The following LPP variants were observed in gnomAD, a reference collection of about 807,000 sequenced individuals.
LPP encodes LIM domain containing preferred translocation partner in lipoma.
LPP carries 38 observed loss-of-function variants against 60.4 expected under a neutral mutation model. That is an observed-to-expected ratio of 0.63 (90% CI 0.49 to 0.83). The LOEUF is 0.83. LPP is among the 40% of genes least tolerant of loss of function. The pLI is 0.00. For synonymous variants in LPP, 328 were observed against 290.8 expected, an observed-to-expected ratio of 1.13 and a Z score of -1.30; for missense variants, 902 against 783.6, an observed-to-expected ratio of 1.15 and a Z score of -1.80.
At chr3:188,649,898 G>C (rs1851764320) in intron 7 of LPP, among the ~76,000 whole-genome samples, 1 of 152,172 alleles carries the variant, frequency 6.6e-6, no homozygotes, top group South Asian at 2.1e-4. Context: ...AATTCTTCCT[G>C]AGGGAATTCC....
At chr3:188,227,331 TC>T (rs1049596501) in intron 2 of LPP, among the ~76,000 whole-genome samples, 3 of 77,494 alleles carry the variant, frequency 3.9e-5, no homozygotes, top group Non-Finnish European at 7.3e-5. Flanking sequence ...ATGCTATCCC[TC>T]CCCCCTCCCC....
intron 2 of LPP, among the ~76,000 whole-genome samples, chr3:188,293,407 T>C (rs1489549659): frequency 1.3e-5 from 2 of 152,244 alleles, no homozygotes; most frequent in South Asian, 2.1e-4. Flanking sequence ...ACAATAAACT[T>C]ACCATCTTGA....
rs146330427 is a variant in LPP at position 188,406,678 on chromosome 3, A to G, written c.193+365A>G. 1.1e-3 allele frequency among the ~76,000 whole-genome samples: 172 copies of G among 152,266 alleles called. 1 individual carries two copies. Among genetic ancestry groups the G allele is most frequent in the African/African-American group, 3.9e-3 (163 of 41,570 alleles). On this transcript the variant is annotated intron_variant, in intron 4 of 11. Transcript: ENST00000617246. Reference sequence around the variant, plus strand: ...CATCCCTCCCTCTTGCCGTTGGACAAATGTCCACAAATGCTGCCAAGCAGT... The same window carrying G: ...CATCCCTCCCTCTTGCCGTTGGACAGATGTCCACAAATGCTGCCAAGCAGT...
intron 2 of LPP, among the ~76,000 whole-genome samples, chr3:188,316,919 C>G (rs1489404459): frequency 6.6e-6 from 1 of 152,168 alleles, no homozygotes; most frequent in Non-Finnish European, 1.5e-5. Context: ...TTAGATGGAC[C>G]TGATATTTGG....
intron 2 of LPP, among the ~76,000 whole-genome samples, chr3:188,254,528 G>C (rs1000420531): frequency 6.6e-6 from 1 of 152,210 alleles, no homozygotes; most frequent in Non-Finnish European, 1.5e-5. Context: ...AGAGCTTTTG[G>C]TTAATTGGCT....
At chr3:188,742,638 GT>G (rs1724845355) in intron 8 of LPP, among the ~76,000 whole-genome samples, 1 of 152,066 alleles carries the variant, frequency 6.6e-6, no homozygotes, top group South Asian at 2.1e-4. Context: ...GCAATCAGTG[GT>G]TTGCTGAGGC....
chr3:188,155,997 A>T (rs1214586318), intron 1 of LPP, among the ~76,000 whole-genome samples: 2 of 152,166 alleles, frequency 1.3e-5, no homozygotes, highest in African/African-American at 4.8e-5. Flanking sequence ...CCTGGGCGAC[A>T]GAGGGAGACT....
intron 1 of LPP, among the ~76,000 whole-genome samples, chr3:188,171,996 A>G (rs1721722835): frequency 6.6e-6 from 1 of 152,242 alleles, no homozygotes; most frequent in South Asian, 2.1e-4. Flanking sequence ...TATGCCAGAG[A>G]GGGCAGAACA....
chr3:188,495,750 C>T (rs1810004775), intron 5 of LPP, among the ~76,000 whole-genome samples: 2 of 152,148 alleles, frequency 1.3e-5, no homozygotes, highest in South Asian at 2.1e-4. Flanking sequence ...ATTGGGCCCA[C>T]AAATCTTTCG....
intron 7 of LPP, among the ~76,000 whole-genome samples, chr3:188,662,264 T>C (rs1213115219): frequency 1.3e-5 from 2 of 152,224 alleles, no homozygotes; most frequent in Non-Finnish European, 1.5e-5. Flanking sequence ...GCTAGCCTTA[T>C]TTATCCTGAA....
At chr3:188,826,680 A>G (rs1755612456) in intron 9 of LPP, among the ~76,000 whole-genome samples, 1 of 151,986 alleles carries the variant, frequency 6.6e-6, no homozygotes, top group Admixed American at 6.6e-5. Flanking sequence ...CACCACCAGC[A>G]TGTACCCTGT....
rs1221642711 is a variant in LPP, at chr3:188,888,372, C to G, written c.*13893C>G. The stretch of plus-strand genomic sequence containing the variant: ...CACGCACACAGGCTTTTATTTCATG[C>G]CTTTTCTCTTTCTGTGCCGTCACCT... On this transcript the variant is annotated 3_prime_UTR_variant, in exon 12 of 12. Coordinates refer to ENST00000617246, the MANE Select transcript of LPP (RefSeq NM_001375462.1). 1.3e-5 allele frequency: 3 copies of G among 228,006 alleles called. No homozygotes were observed. The East Asian group carries it at 1.9e-4, about 14-fold the overall frequency. The allele number at this position is 228,006 out of a possible 1,614,324, so 14.1% of individuals were successfully genotyped here. A position where few individuals can be genotyped will look rare whatever the true frequency, so the allele number is the denominator to read the frequency against.
chr3:188,501,978 T>C (rs2149883769), intron 5 of LPP, among the ~76,000 whole-genome samples: 1 of 152,238 alleles, frequency 6.6e-6, no homozygotes, highest in Admixed American at 6.5e-5. Context: ...GCAGTTTTAC[T>C]TATGTCTATT....
intron 1 of LPP, among the ~76,000 whole-genome samples, chr3:188,222,420 G>C (rs568494384): frequency 6.6e-6 from 1 of 152,226 alleles, no homozygotes; most frequent in East Asian, 1.9e-4. Context: ...TGTGCCATAC[G>C]TGCTAGATAT....
chr3:188,181,352 CAAAAA>C (rs11330297), intron 1 of LPP, among the ~76,000 whole-genome samples: 3 of 111,580 alleles, frequency 2.7e-5, no homozygotes, highest in African/African-American at 3.6e-5. Flanking sequence ...AATTCCGTCT[CAAAAA>C]AAAAAAAAAA....
At chr3:188,344,143 C>G (rs147985942) in intron 3 of LPP, among the ~76,000 whole-genome samples, 1 of 152,200 alleles carries the variant, frequency 6.6e-6, no homozygotes. Flanking sequence ...CTCTTGTAGA[C>G]GGTTGATTAT....
intron 1 of LPP, among the ~76,000 whole-genome samples, chr3:188,193,402 C>T (rs569606081): frequency 1.5e-4 from 23 of 152,152 alleles, no homozygotes; most frequent in South Asian, 1.0e-3. Flanking sequence ...ACCTGTAAAA[C>T]GGGAATGATG....
At chr3:188,546,456 C>G (rs910857686) in intron 6 of LPP, among the ~76,000 whole-genome samples, 2 of 152,036 alleles carry the variant, frequency 1.3e-5, no homozygotes, top group Admixed American at 6.6e-5. Flanking sequence ...TGGGTCTGAG[C>G]TTGTCCCTAA....
intron 6 of LPP, among the ~76,000 whole-genome samples, chr3:188,581,138 A>AG (rs1480579802): frequency 6.6e-6 from 1 of 152,182 alleles, no homozygotes; most frequent in Admixed American, 6.5e-5. Flanking sequence ...ACAGGAGGGT[A>AG]GTCTTTTTCT....
Sources: gnomAD v4.1 joint callset for allele counts (sites outside exome capture counted in the v4.1 genomes callset) on GRCh38, gnomAD v4.1.1 for gene constraint, MANE v1.5 for transcripts, NCBI Gene and HGNC (gene_info 2026-07-23, HGNC 2026-07-21) for gene names.